The following FANCA variants were observed in gnomAD, a reference collection of about 807,000 sequenced individuals.
FANCA encodes the protein FA complementation group A.
A neutral mutation model predicts 194.3 loss-of-function variants in FANCA; 236 were observed. The ratio of observed to expected loss-of-function variants is 1.21; its 90% confidence interval spans 1.09 to 1.35. The LOEUF is 1.35. FANCA is among the 40% of genes most tolerant of loss of function. The probability of loss-of-function intolerance (pLI) is 0.00; values close to 1 mark genes in which losing one functional copy is unlikely to be tolerated. For synonymous variants in FANCA, 1,014 were observed against 715.8 expected, an observed-to-expected ratio of 1.42 and a Z score of -6.65; for missense variants, 2,628 against 1,813.9, an observed-to-expected ratio of 1.45 and a Z score of -8.15.
At chr16:89,761,673 A>G (rs1426961326) in intron 29 of FANCA, among the ~76,000 whole-genome samples, 2 of 152,160 alleles carry the variant, frequency 1.3e-5, no homozygotes, top group Non-Finnish European at 2.9e-5. Context: ...TGCACAGGCT[A>G]AAGTGCAGTG....
chr16:89,757,902 G>C (rs959799857), intron 30 of FANCA, among the ~76,000 whole-genome samples: 2 of 152,134 alleles, frequency 1.3e-5, no homozygotes, highest in Admixed American at 1.3e-4. Flanking sequence ...TTTTGAGACA[G>C]AGTCTTGCTC....
rs2143163267 is a variant in FANCA at position 89,752,140 on chromosome 16, G to A, written c.3064C>T (p.Gln1022Ter). 3 of 1,613,798 alleles carry A rather than the reference G, an allele frequency of 1.9e-6. No individual in the cohort carries two copies. The highest frequency in any genetic ancestry group is 1.7e-5 in the Admixed American group (1 of 59,996). Residue 1022 changes from glutamine (Q) to a stop codon, truncating the protein, a stop_gained and splice_region_variant, in exon 31 of 43, where the codon CAG becomes TAG. Transcript: ENST00000389301. LOFTEE classifies it high-confidence loss of function. ...AGTTGTGGCACCCTCAAACTCACCT[G>A]CAATCTGGAAATAATATCCTCATTT... ...TGNEDIISRL[Q>*]EMVADLELQQ...
At chr16:89,779,783 G>T in intron 18 of FANCA, 86 bp downstream of exon 18, 1 of 1,119,804 alleles carries the variant, frequency 8.9e-7, no homozygotes, top group Non-Finnish European at 1.4e-6. Flanking sequence ...GCAGGCATCA[G>T]AGCAGAGTCT....
chr16:89,798,945 G>T, intron 10 of FANCA: 2 of 1,609,982 alleles, frequency 1.2e-6, no homozygotes, highest in East Asian at 2.2e-5. Flanking sequence ...ACTGCAGTGG[G>T]CGCACCTTCC....
chr16:89,740,051 C>G lies in FANCA; in HGVS notation c.3877G>C (p.Glu1293Gln). Residue 1293 changes from glutamate to glutamine, a missense_variant, in exon 39 of 43, where the codon GAG becomes CAG. Physicochemically the swap from Glu to Gln is conservative, Grantham distance 29. Transcript: ENST00000389301. Reference protein sequence around the residue: ...KAFHVCAAILECLEKRKISWL... With the variant: ...KAFHVCAAILQCLEKRKISWL... ...GATATCTTCCTCTTCTCTAAACACT[C>G]GAGGATTGCTGCACAAACGTGGAAA... The G allele has an allele frequency of 2.5e-6, 4 of 1,614,172 alleles. No individual in the cohort carries two copies. The highest frequency in any genetic ancestry group is 3.4e-6 in the Non-Finnish European group (4 of 1,180,032).
At chr16:89,765,143 A>C in intron 27 of FANCA, 77 bp from the exon 28 acceptor site, 2 of 1,535,118 alleles carry the variant, frequency 1.3e-6, no homozygotes, top group Non-Finnish European at 1.8e-6. Context: ...GCTCAGGTGG[A>C]AACAGACCAT....
chr16:89,759,318 T>TAAAAAAAAAAAAAAAAAAAA lies in FANCA; in HGVS notation c.2853-633_2853-614dup, dbSNP rs71137673. On this transcript the variant is annotated intron_variant, in intron 29 of 42. Coordinates refer to ENST00000389301, the MANE Select transcript of FANCA (RefSeq NM_000135.4). ...TTGGGCAACAGAGCGAGACTCCGTCTAAAAAAAAAAAAAAAAAAAAAAAAA... is the reference window on the plus strand; with the variant it reads ...TTGGGCAACAGAGCGAGACTCCGTCTAAAAAAAAAAAAAAAAAAAAAAAAAAAAAAAAAAAAAAAAAAAAA... Among the ~76,000 whole-genome samples the TAAAAAAAAAAAAAAAAAAAA allele has an allele frequency of 1.2e-3, 88 of 75,192 alleles. 2 individuals carry two copies. Among genetic ancestry groups the TAAAAAAAAAAAAAAAAAAAA allele is most frequent in the Middle Eastern group, 0.014 (1 of 74 alleles). The allele number at this position is 75,192 out of a possible 152,430, so 49.3% of individuals were successfully genotyped here.
chr16:89,764,632 T>C (rs1303309683), intron 28 of FANCA, among the ~76,000 whole-genome samples: 1 of 152,186 alleles, frequency 6.6e-6, no homozygotes, highest in Non-Finnish European at 1.5e-5. Context: ...GAGCTGCACA[T>C]GAGGCCACAA....
At chr16:89,782,672 C>T (rs2039760059) in intron 17 of FANCA, among the ~76,000 whole-genome samples, 187 bp downstream of exon 17, 1 of 152,144 alleles carries the variant, frequency 6.6e-6, no homozygotes, top group Non-Finnish European at 1.5e-5. Context: ...CCTGCCAATG[C>T]TGGGGACACA....
intron 35 of FANCA, among the ~76,000 whole-genome samples, chr16:89,746,224 G>C (rs1386141378): frequency 6.6e-6 from 1 of 152,162 alleles, no homozygotes; most frequent in Admixed American, 6.6e-5. Flanking sequence ...TCTCGTGACG[G>C]GGCACAGGCA....
intron 35 of FANCA, 34 bp from the exon 36 acceptor site, chr16:89,745,105 G>A (rs1344308885): frequency 6.5e-7 from 1 of 1,540,780 alleles, no homozygotes; most frequent in Non-Finnish European, 8.7e-7. Context: ...AGATGAGGGT[G>A]GCTGAGATGG....
At chr16:89,766,873 A>C (rs1007959702) in intron 27 of FANCA, among the ~76,000 whole-genome samples, 2 of 152,252 alleles carry the variant, frequency 1.3e-5, no homozygotes, top group Non-Finnish European at 2.9e-5. Context: ...TTACAATTAC[A>C]GACTTGTAGT....
chr16:89,799,669 G>A, intron 8 of FANCA, 31 bp from the exon 9 acceptor site: 1 of 1,580,338 alleles, frequency 6.3e-7, no homozygotes, highest in Non-Finnish European at 8.7e-7. Flanking sequence ...TTACCATCTT[G>A]GTAATCTTCT....
At chr16:89,780,096 G>T in intron 17 of FANCA, 139 bp from the exon 18 acceptor site, 1 of 773,398 alleles carries the variant, frequency 1.3e-6, no homozygotes, top group East Asian at 2.7e-5. Flanking sequence ...CATGCTGTGC[G>T]CACAGCAGGG....
rs971212211 is a variant in FANCA at position 89,739,634 on chromosome 16, A to C, written c.3935-81T>G. On this transcript the variant is annotated intron_variant, in intron 39 of 42. Transcript: ENST00000389301. ...GCTGGGGACACCCCTGGGGGTCGGG[A>C]CGTGTACCCTGGGAGGCCTGGCTGT... The C allele has an allele frequency of 2.6e-6, 4 of 1,516,048 alleles. No homozygotes were observed. The African/African-American group carries it at 5.5e-5, about 21-fold the overall frequency. The allele number at this position is 1,516,048 out of a possible 1,614,324, so 93.9% of individuals were successfully genotyped here.
At chr16:89,767,847 C>T (rs1273003945) in intron 26 of FANCA, among the ~76,000 whole-genome samples, 4 of 152,122 alleles carry the variant, frequency 2.6e-5, no homozygotes, top group South Asian at 2.1e-4. Context: ...TGCAACCAGT[C>T]GAGTTTTTAA....
At chr16:89,749,666 G>C in intron 32 of FANCA, 64 bp downstream of exon 32, 1 of 1,558,140 alleles carries the variant, frequency 6.4e-7, no homozygotes, top group Non-Finnish European at 8.7e-7. Flanking sequence ...GAACCTCTAG[G>C]ACCGTCATGA....
intron 39 of FANCA, 155 bp from the exon 40 acceptor site, chr16:89,739,708 G>T: frequency 6.6e-7 from 1 of 1,504,784 alleles, no homozygotes; most frequent in Non-Finnish European, 8.9e-7. Flanking sequence ...CCAGGTACCT[G>T]TCAGCAGCTG....
chr16:89,808,265 G>A, intron 6 of FANCA, 29 bp downstream of exon 6: 2 of 1,606,482 alleles, frequency 1.2e-6, no homozygotes, highest in African/African-American at 1.3e-5. Context: ...TGCAAAAACA[G>A]TAACACTGAA....
Sources: gnomAD v4.1 joint callset for allele counts (sites outside exome capture counted in the v4.1 genomes callset) on GRCh38, gnomAD v4.1.1 for gene constraint, MANE v1.5 for transcripts, NCBI Gene and HGNC (gene_info 2026-07-23, HGNC 2026-07-21) for gene names.